The following UST variants were observed in gnomAD, a reference collection of about 807,000 sequenced individuals.
UST encodes uronyl 2-sulfotransferase.
A neutral mutation model predicts 45.6 loss-of-function variants in UST; 21 were observed. The observed-to-expected ratio is 0.46, with a 90% CI of 0.33 to 0.66. The LOEUF (loss-of-function observed/expected upper bound fraction) is 0.66, where lower values mean the gene tolerates loss of function less well. UST is among the 30% of genes least tolerant of loss of function. The pLI, the probability that UST is intolerant of heterozygous loss-of-function variation, is 0.02. For synonymous variants in UST, 215 were observed against 200.6 expected (o/e 1.07, Z -0.61); for missense variants, 463 against 512.4 (o/e 0.90, Z 0.93).
intron 1 of UST, among the ~76,000 whole-genome samples, chr6:148,750,984 A>G (rs1018932293): frequency 1.3e-5 from 2 of 152,180 alleles, no homozygotes; most frequent in Non-Finnish European, 2.9e-5. Context: ...TTTGTCACAA[A>G]TGTACATGCT....
intron 1 of UST, among the ~76,000 whole-genome samples, chr6:148,830,962 TG>T (rs1777673275): frequency 6.6e-6 from 1 of 151,706 alleles, no homozygotes; most frequent in South Asian, 2.1e-4. Flanking sequence ...ATATGTATTT[TG>T]CCACAGTAAA....
intron 1 of UST, among the ~76,000 whole-genome samples, chr6:148,764,629 A>G (rs1375059305): frequency 2.0e-5 from 3 of 152,166 alleles, no homozygotes; most frequent in African/African-American, 7.2e-5. Flanking sequence ...GAGACATCAC[A>G]TGTCGGCAGG....
intron 7 of UST, among the ~76,000 whole-genome samples, chr6:149,021,812 C>T (rs1185101415): frequency 6.6e-6 from 1 of 152,168 alleles, no homozygotes; most frequent in Non-Finnish European, 1.5e-5. Flanking sequence ...TCAGCCTTGT[C>T]TTGAGCATGT....
chr6:148,780,360 T>C (rs1483446632), intron 1 of UST, among the ~76,000 whole-genome samples: 1 of 152,104 alleles, frequency 6.6e-6, no homozygotes, highest in Admixed American at 6.5e-5. Context: ...TGGGAGTTTG[T>C]TGTACAGATT....
chr6:148,775,626 ATT>A (rs752769104), intron 1 of UST, among the ~76,000 whole-genome samples: 13,831 of 144,918 alleles, frequency 0.095, 705 homozygotes, highest in Non-Finnish European at 0.11. Flanking sequence ...TTTTAATTAA[ATT>A]TTTTTTTTTT....
intron 1 of UST, among the ~76,000 whole-genome samples, chr6:148,863,384 A>C (rs1778357448): frequency 6.6e-6 from 1 of 152,198 alleles, no homozygotes; most frequent in Non-Finnish European, 1.5e-5. Context: ...TGTTTATTCT[A>C]GTTAGCCATT....
chr6:148,965,254 C>G (rs1018424183), intron 5 of UST, among the ~76,000 whole-genome samples: 2 of 151,916 alleles, frequency 1.3e-5, no homozygotes, highest in Non-Finnish European at 1.5e-5. Context: ...GGCGGAGTTG[C>G]GCGTCTTTCT....
At chr6:148,860,749 A>G (rs189672874) in intron 1 of UST, among the ~76,000 whole-genome samples, 1 of 152,290 alleles carries the variant, frequency 6.6e-6, no homozygotes. Flanking sequence ...ATCTATTGAG[A>G]TAATCACATG....
intron 1 of UST, among the ~76,000 whole-genome samples, chr6:148,754,166 T>C (rs1021439320): frequency 6.6e-5 from 10 of 151,958 alleles, no homozygotes. Flanking sequence ...GGCTAATTTT[T>C]TTGTATTTTT....
intron 1 of UST, among the ~76,000 whole-genome samples, chr6:148,858,048 TC>T (rs1562278989): frequency 6.6e-6 from 1 of 152,202 alleles, no homozygotes; most frequent in East Asian, 1.9e-4. Context: ...CACAATGCCT[TC>T]TAAGACTGTG....
intron 5 of UST, among the ~76,000 whole-genome samples, chr6:148,987,211 A>AGTTTATTGGGAAATT (rs1213921457): frequency 2.0e-5 from 3 of 152,186 alleles, no homozygotes. Context: ...GGCCACTCTC[A>AGTTTATTGGGAAATT]GTTTATTGGG....
chr6:148,831,773 C>T (rs1777691850), intron 1 of UST, among the ~76,000 whole-genome samples: 2 of 151,998 alleles, frequency 1.3e-5, no homozygotes, highest in South Asian at 2.1e-4. Flanking sequence ...CCAGCCTGCA[C>T]AGAGTACAGC....
At chr6:148,806,606 T>G (rs1426515743) in intron 1 of UST, among the ~76,000 whole-genome samples, 1 of 152,162 alleles carries the variant, frequency 6.6e-6, no homozygotes, top group Non-Finnish European at 1.5e-5. Context: ...CCCAAAGTGC[T>G]GGGATTACAG....
chr6:148,913,263 A>ATTCTGATG (rs1779511849), intron 2 of UST, among the ~76,000 whole-genome samples: 1 of 152,112 alleles, frequency 6.6e-6, no homozygotes, highest in Non-Finnish European at 1.5e-5. Flanking sequence ...TCCGGAATTG[A>ATTCTGATG]TTCTGATGTT....
intron 3 of UST, among the ~76,000 whole-genome samples, chr6:148,945,323 A>T (rs995030400): frequency 6.6e-6 from 1 of 152,194 alleles, no homozygotes; most frequent in Non-Finnish European, 1.5e-5. Context: ...CCTTGAACCT[A>T]GGCCTTCCTT....
chr6:148,874,287 G>A (rs11965507), intron 1 of UST, among the ~76,000 whole-genome samples: 23,352 of 152,160 alleles, frequency 0.15, 2,143 homozygotes, highest in African/African-American at 0.23. Flanking sequence ...ATTTGATTCC[G>A]AAAGTAATTT....
chr6:149,019,023 C>T, intron 5 of UST, 116 bp from the exon 6 acceptor site: 1 of 825,900 alleles, frequency 1.2e-6, no homozygotes, highest in Admixed American at 2.1e-5. Context: ...GAATTCTCTT[C>T]ATCTTCTCAA....
chr6:149,058,864 G>A (rs1776610442), intron 7 of UST, among the ~76,000 whole-genome samples: 2 of 152,032 alleles, frequency 1.3e-5, no homozygotes, highest in African/African-American at 2.4e-5. Context: ...ATATAAGCCG[G>A]TATTTTAGTG....
intron 1 of UST, among the ~76,000 whole-genome samples, chr6:148,869,693 T>C (rs979727516): frequency 1.1e-4 from 16 of 152,228 alleles, no homozygotes; most frequent in African/African-American, 3.9e-4. Context: ...TGAGCAACTC[T>C]TCAAGTCTCT....
Sources: allele counts gnomAD v4.1 joint callset (sites outside exome capture counted in the v4.1 genomes callset), GRCh38; gene constraint gnomAD v4.1.1; transcripts MANE v1.5; gene names NCBI Gene and HGNC (gene_info 2026-07-23, HGNC 2026-07-21).